UBTF: variants seen among roughly 807,000 people sequenced by gnomAD.
The protein encoded by UBTF is upstream binding transcription factor.
UBTF carries 8 observed loss-of-function variants against 112.3 expected under a neutral mutation model. The ratio of observed to expected loss-of-function variants is 0.07; its 90% CI spans 0.04 to 0.13. The LOEUF is 0.13. Among genes scored for constraint, UBTF ranks in the 10% least tolerant of loss-of-function variants. UBTF has a pLI of 1.00. For synonymous variants in UBTF, 417 were observed against 373.1 expected, an observed-to-expected ratio of 1.12 and a Z score of -1.36; for missense variants, 457 against 982.1, an observed-to-expected ratio of 0.47 and a Z score of 7.15.
At position 44,212,813 on chromosome 17, in the gene UBTF, A is replaced by G. The variant is rs773595807; in HGVS notation, c.660+6T>C. ...CTCCACCCCCAACCCTTGGCCGGACACTCACATCTGGCCGCACTTTGAGAT... is the reference window on the plus strand; with the variant it reads ...CTCCACCCCCAACCCTTGGCCGGACGCTCACATCTGGCCGCACTTTGAGAT... On this transcript the variant is annotated splice_donor_region_variant and intron_variant, in intron 7 of 20. Transcript: ENST00000436088. The G allele has an allele frequency of 5.6e-6, 9 of 1,613,692 alleles. No homozygotes were observed. Among genetic ancestry groups the G allele is most frequent in the Non-Finnish European group, 3.4e-6 (4 of 1,179,780 alleles).
In UBTF at chr17:44,205,943, G is replaced by C. The variant is rs2056218712; in HGVS notation, c.*1299C>G. The C allele has an allele frequency of 6.6e-6, 1 of 152,176 alleles. No homozygotes were observed. The highest frequency in any genetic ancestry group is 2.4e-5 in the African/African-American group (1 of 41,420). The allele number at this position is 152,176 out of a possible 1,614,324, so 9.4% of individuals were successfully genotyped here. A position where few individuals can be genotyped will look rare whatever the true frequency, so the allele number is the denominator to read the frequency against. On this transcript the variant is annotated 3_prime_UTR_variant, in exon 21 of 21. Coordinates refer to ENST00000436088, the MANE Select transcript of UBTF (RefSeq NM_014233.4). ...AGACTTCTTGCCCAGCTGTGGGGTT[G>C]GGGGAGGAGGGAGCAGACCTGAGAA...
Position 44,209,468 on chromosome 17 carries a change from T to C in UBTF, c.1789A>G (p.Met597Val). Residue 597 changes from methionine (M) to valine (V), a missense_variant, in exon 17 of 21, where the codon ATG becomes GTG. Met to Val is a conservative substitution (Grantham distance 21). Coordinates refer to ENST00000436088, the MANE Select transcript of UBTF (RefSeq NM_014233.4). ...ELNHLPLKER[M>V]VEIGSRWQRI... ...TGCCAGCGACTGCCGATCTCCACCA[T>C]GCGCTCCTTCAGCGGCAGGTGGTTC... 6.2e-7 allele frequency: 1 copy of C among 1,614,170 alleles called. No homozygotes were observed. Among genetic ancestry groups the C allele is most frequent in the East Asian group, 2.2e-5 (1 of 44,892 alleles).
chr17:44,205,984 G>A lies in UBTF; in HGVS notation c.*1258C>T, dbSNP rs1598205974. ...GACCTGAGAAATTAAAGGAAATAGGGGGTGGTGGGAGGATTCAAGGAAGGC... is the reference window on the plus strand; with the variant it reads ...GACCTGAGAAATTAAAGGAAATAGGAGGTGGTGGGAGGATTCAAGGAAGGC... On this transcript the variant is annotated 3_prime_UTR_variant, in exon 21 of 21. Transcript: ENST00000436088. 1 of 152,236 alleles carries A rather than the reference G, an allele frequency of 6.6e-6. No homozygotes were observed. The highest frequency in any genetic ancestry group is 1.9e-4 in the East Asian group (1 of 5,178). The allele number at this position is 152,236 out of a possible 1,614,324, so 9.4% of individuals were successfully genotyped here.
chr17:44,209,237 G>A, intron 17 of UBTF, 115 bp downstream of exon 17: 2 of 1,083,708 alleles, frequency 1.8e-6, no homozygotes, highest in East Asian at 2.6e-5. Flanking sequence ...CGAGGGCATG[G>A]AATGAAATCA....
chr17:44,211,279 G>C lies in UBTF; in HGVS notation c.1089+11C>G, dbSNP rs746709649. The C allele has an allele frequency of 6.2e-7, 1 of 1,614,224 alleles. No homozygotes were observed. Among genetic ancestry groups the C allele is most frequent in the South Asian group, 1.1e-5 (1 of 91,088 alleles). On this transcript the variant is annotated intron_variant, in intron 11 of 20. Coordinates refer to ENST00000436088, the MANE Select transcript of UBTF (RefSeq NM_014233.4). This position sits in a 1 kb window ranked among gnomAD's most constrained non-coding sequence, Gnocchi z 4.9. ...CTTCTCTGCCCACTGCCCCACCGGAGGAACACTCACCTCGAGGAAACGGAG... is the reference window on the plus strand; with the variant it reads ...CTTCTCTGCCCACTGCCCCACCGGACGAACACTCACCTCGAGGAAACGGAG...
intron 13 of UBTF, 73 bp downstream of exon 13, chr17:44,210,719 C>T (rs1050539306): frequency 5.9e-6 from 9 of 1,534,368 alleles, no homozygotes; most frequent in African/African-American, 4.1e-5. Context: ...GGCGAGGTGG[C>T]ACGGCCCGCC....
At chr17:44,210,559 C>T in intron 13 of UBTF, 86 bp from the exon 14 acceptor site, 1 of 1,453,630 alleles carries the variant, frequency 6.9e-7, no homozygotes, top group Non-Finnish European at 9.0e-7. Flanking sequence ...CTCCCGCCGG[C>T]GGGCAGAAGC....
At position 44,211,096 on chromosome 17, in the gene UBTF, G is replaced by T. The variant is rs755805069; in HGVS notation, c.1146C>A (p.Ile382=). Residue 382 remains isoleucine, a synonymous_variant, in exon 12 of 21, where the codon ATC becomes ATA. Coordinates refer to ENST00000436088, the MANE Select transcript of UBTF (RefSeq NM_014233.4). This position sits in a 1 kb window ranked among gnomAD's most constrained non-coding sequence, Gnocchi z 4.9. ...RVLGEEKMLN[I]NKKQATSPAS... ...CGGGGCTGGTGGCCTGCTTCTTGTTGATGTTCAGCATCTTCTCTTCCCCCA... is the reference window on the plus strand; with the variant it reads ...CGGGGCTGGTGGCCTGCTTCTTGTTTATGTTCAGCATCTTCTCTTCCCCCA... 3.7e-6 allele frequency: 6 copies of T among 1,612,976 alleles called. No homozygotes were observed. The highest frequency in any genetic ancestry group is 5.1e-6 in the Non-Finnish European group (6 of 1,180,006).
Position 44,213,320 on chromosome 17 carries a change from G to C in UBTF, c.475-38C>G, listed in dbSNP as rs537053698. On this transcript the variant is annotated intron_variant, in intron 5 of 20. Transcript: ENST00000436088. ...GGGGATGGGGTCACTCAGGACCCAA[G>C]GGTATCTCACCCTGAGCTATGAAGG... 3.1e-6 allele frequency: 5 copies of C among 1,601,680 alleles called. No homozygotes were observed. In the South Asian group the frequency reaches 4.5e-5, roughly 14 times the overall value.
chr17:44,216,218 G>A lies in UBTF; in HGVS notation c.235-229C>T, dbSNP rs565110793. 5.5e-5 allele frequency: 33 copies of A among 604,142 alleles called. 1 individual carries two copies. The highest frequency in any genetic ancestry group is 4.6e-4 in the South Asian group (23 of 49,808). The allele number at this position is 604,142 out of a possible 1,614,324, so 37.4% of individuals were successfully genotyped here. ...TACACACCAAAGGCCAGCAACAAGG[G>A]GACTAACTGACCTCAACCTGGTTGT... is the stretch of plus-strand genomic sequence containing the variant. On this transcript the variant is annotated intron_variant, in intron 3 of 20. Transcript: ENST00000436088.
chr17:44,217,681 T>C (rs2046914445), intron 2 of UBTF, among the ~76,000 whole-genome samples: 1 of 152,126 alleles, frequency 6.6e-6, no homozygotes, highest in South Asian at 2.1e-4. Context: ...TCTATCCCCA[T>C]CTAGACTGGA....
At chr17:44,208,959 C>T (rs745491613) in intron 17 of UBTF, 59 of 336,168 alleles carry the variant, frequency 1.8e-4, no homozygotes, top group Non-Finnish European at 3.3e-4. Flanking sequence ...CCGAGGTGGG[C>T]GGATCACATG....
rs2056363951 is a variant in UBTF at position 44,207,876 on chromosome 17, C to T, written c.1941G>A (p.Glu647=). The change falls in exon 18 of 21, where the codon GAG becomes GAA. Residue 647 remains glutamate, a synonymous_variant. Coordinates refer to ENST00000436088, the MANE Select transcript of UBTF (RefSeq NM_014233.4). ...CTCCCAGACTCACATTGGAGATGTA[C>T]TCTTTATATGCTGCACGGTCCTGGG... The part of the protein sequence containing the change: ...LSPQDRAAYK[E]YISNKRKSMT... 1 of 1,613,916 alleles carries T rather than the reference C, an allele frequency of 6.2e-7. No homozygotes were observed. The highest frequency in any genetic ancestry group is 1.7e-5 in the Admixed American group (1 of 59,996).
At chr17:44,212,795 C>T (rs780943828) in intron 7 of UBTF, 24 bp downstream of exon 7, 2 of 1,612,978 alleles carry the variant, frequency 1.2e-6, no homozygotes, top group African/African-American at 2.7e-5. Context: ...ATCCTCCACC[C>T]CCAACCCTTG....
At chr17:44,218,024 G>C (rs1234475411) in intron 2 of UBTF, 148 bp downstream of exon 2, 3 of 840,646 alleles carry the variant, frequency 3.6e-6, no homozygotes, top group African/African-American at 1.7e-5. Flanking sequence ...CCAAGTGTGG[G>C]AGATGCTTGA....
chr17:44,218,996 C>A (rs1567811946), intron 1 of UBTF: 1 of 150,140 alleles, frequency 6.7e-6, no homozygotes, highest in Non-Finnish European at 1.5e-5. Flanking sequence ...CGCCCAGCCA[C>A]CCCGACGCGC....
upstream of UBTF, among the ~76,000 whole-genome samples, chr17:44,220,001 GGGAA>G (rs1367673281): frequency 2.0e-5 from 3 of 149,332 alleles, no homozygotes; most frequent in Admixed American, 6.6e-5. Context: ...CCGAGGCGGA[GGGAA>G]GGAAGGAGGG....
chr17:44,208,722 G>T, intron 17 of UBTF: 1 of 181,364 alleles, frequency 5.5e-6, no homozygotes, highest in Non-Finnish European at 1.2e-5. Flanking sequence ...TTACAGATCT[G>T]ACTACTCAAC....
intron 17 of UBTF, among the ~76,000 whole-genome samples, chr17:44,208,253 G>A (rs919960799): frequency 2.0e-5 from 3 of 152,076 alleles, no homozygotes; most frequent in East Asian, 1.9e-4. Context: ...ACAGGCATGT[G>A]CCACCACACC....
Sources: gnomAD v4.1 joint callset for allele counts (sites outside exome capture counted in the v4.1 genomes callset) on GRCh38, gnomAD v4.1.1 for gene constraint, Gnocchi (gnomAD v3.1) non-coding constraint, MANE v1.5 for transcripts, NCBI Gene and HGNC (gene_info 2026-07-23, HGNC 2026-07-21) for gene names.